Variants in DPP6 observed in about 807,000 individuals in gnomAD.
DPP6 encodes the protein A-type potassium channel modulatory protein DPP6.
DPP6 carries 69 observed loss-of-function variants against 122.6 expected under a neutral mutation model. The observed-to-expected ratio is 0.56, with a 90% CI of 0.46 to 0.69. DPP6 has a LOEUF of 0.69. DPP6 is among the 30% of genes least tolerant of loss of function. DPP6 has a pLI of 0.00. For synonymous variants in DPP6, 418 were observed against 433.1 expected, an observed-to-expected ratio of 0.97 and a Z score of 0.43; for missense variants, 928 against 1,116.9, an observed-to-expected ratio of 0.83 and a Z score of 2.41.
chr7:154,379,108 T>A (rs746120009), intron 1 of DPP6, among the ~76,000 whole-genome samples: 2 of 152,122 alleles, frequency 1.3e-5, no homozygotes, highest in Non-Finnish European at 2.9e-5. Flanking sequence ...ACATATGAAT[T>A]TTGTTGGGGG....
chr7:154,349,964 T>C (rs776178371), intron 1 of DPP6, among the ~76,000 whole-genome samples: 2 of 152,238 alleles, frequency 1.3e-5, no homozygotes. Flanking sequence ...ATTCCATAAA[T>C]AAAATGTTTT....
intron 1 of DPP6, among the ~76,000 whole-genome samples, chr7:154,067,631 A>G (rs558129620): frequency 5.9e-5 from 9 of 152,034 alleles, no homozygotes; most frequent in Non-Finnish European, 8.8e-5. Context: ...GGTCATGGGG[A>G]GTCATTTGAA....
At chr7:154,649,673 C>G (rs1836743482) in intron 6 of DPP6, among the ~76,000 whole-genome samples, 2 of 152,236 alleles carry the variant, frequency 1.3e-5, no homozygotes. Flanking sequence ...CTGCACCTGC[C>G]TTTCTCTACC....
chr7:153,757,680 G>A, the DPP6 span, among the ~76,000 whole-genome samples: 50 of 152,202 alleles, frequency 3.3e-4, no homozygotes, highest in African/African-American at 1.2e-3. Flanking sequence ...ACCATGGGCC[G>A]GGCACGGTGG....
chr7:154,063,298 T>C (rs6951331), intron 1 of DPP6, among the ~76,000 whole-genome samples: 54,600 of 109,730 alleles, frequency 0.5, 17,020 homozygotes, highest in East Asian at 0.62. Flanking sequence ...GGACCCCCCA[T>C]GAGGCGGGGA....
intron 10 of DPP6, among the ~76,000 whole-genome samples, chr7:154,774,988 C>G (rs1796474166): frequency 6.6e-6 from 1 of 152,202 alleles, no homozygotes; most frequent in South Asian, 2.1e-4. Context: ...CTCAGCAATT[C>G]AGTGCTGTAG....
chr7:154,400,078 A>G (rs183096428), intron 1 of DPP6, among the ~76,000 whole-genome samples: 19 of 152,224 alleles, frequency 1.2e-4, no homozygotes, highest in Admixed American at 7.8e-4. Flanking sequence ...GGGCATTTGA[A>G]TACTGCTGGA....
chr7:154,633,746 T>C (rs1032578705), intron 5 of DPP6, among the ~76,000 whole-genome samples: 3 of 152,218 alleles, frequency 2.0e-5, no homozygotes, highest in African/African-American at 7.2e-5. Context: ...TGGCTTGATG[T>C]TGAGGAAGAT....
At chr7:154,233,039 T>A (rs1278633996) in intron 1 of DPP6, among the ~76,000 whole-genome samples, 1 of 152,220 alleles carries the variant, frequency 6.6e-6, no homozygotes, top group Non-Finnish European at 1.5e-5. Context: ...GAAGAAAGAA[T>A]CATGCTTAAA....
chr7:153,865,229 G>A, the DPP6 span, among the ~76,000 whole-genome samples: 2 of 152,120 alleles, frequency 1.3e-5, no homozygotes, highest in Admixed American at 1.3e-4. Flanking sequence ...GACAGCAATA[G>A]CAGTATTTTC....
intron 1 of DPP6, among the ~76,000 whole-genome samples, chr7:154,137,651 G>T (rs866148382): frequency 2.3e-5 from 1 of 43,636 alleles, no homozygotes; most frequent in South Asian, 1.4e-3. Flanking sequence ...TGGGGGGGGT[G>T]GGGGGGTGGG....
At position 154,646,315 on chromosome 7, in the gene DPP6, T is replaced by G. The variant is rs544236033; in HGVS notation, c.680+8442T>G. Reference sequence around the variant, plus strand: ...ATTCTCCCATCCGGCTGTGTAAGAATGAATCACATCACGCAATGTGTCCAG... The same window carrying G: ...ATTCTCCCATCCGGCTGTGTAAGAAGGAATCACATCACGCAATGTGTCCAG... On this transcript the variant is annotated intron_variant, in intron 6 of 25. Coordinates refer to ENST00000377770, the MANE Select transcript of DPP6 (RefSeq NM_130797.4). 5.3e-5 allele frequency among the ~76,000 whole-genome samples: 8 copies of G among 152,328 alleles called. No homozygotes were observed. In the South Asian group the frequency reaches 1.4e-3, roughly 28 times the overall value.
At chr7:153,770,322 C>T in the DPP6 span, among the ~76,000 whole-genome samples, 89 of 152,258 alleles carry the variant, frequency 5.8e-4, 1 homozygote, top group East Asian at 0.015. Flanking sequence ...AGGGGCACTC[C>T]TCAAAGCCAC....
chr7:154,053,697 C>T (rs1427690691), intron 1 of DPP6, among the ~76,000 whole-genome samples: 1 of 152,200 alleles, frequency 6.6e-6, no homozygotes, highest in Non-Finnish European at 1.5e-5. Context: ...GGGCCCAGCT[C>T]TTTTGCTGAG....
At chr7:154,595,513 A>G (rs1833042789) in intron 5 of DPP6, among the ~76,000 whole-genome samples, 2 of 152,226 alleles carry the variant, frequency 1.3e-5, no homozygotes, top group Admixed American at 6.5e-5. Context: ...GTGAGTCTTC[A>G]CACTGATGCT....
At chr7:154,564,919 C>A (rs545496800) in intron 4 of DPP6, among the ~76,000 whole-genome samples, 1 of 152,138 alleles carries the variant, frequency 6.6e-6, no homozygotes, top group Non-Finnish European at 1.5e-5. Flanking sequence ...TTCTGTTGTT[C>A]TATTTGGTGC....
chr7:154,318,919 T>A (rs1807675436), intron 1 of DPP6, among the ~76,000 whole-genome samples: 1 of 152,192 alleles, frequency 6.6e-6, no homozygotes, highest in Admixed American at 6.5e-5. Flanking sequence ...GGATCATTGA[T>A]GTGGGTGATG....
chr7:154,850,800 T>C (rs1292674012), intron 16 of DPP6, among the ~76,000 whole-genome samples: 2 of 152,214 alleles, frequency 1.3e-5, no homozygotes, highest in Non-Finnish European at 2.9e-5. Flanking sequence ...AACATCTCTT[T>C]CATTTCTGAT....
intron 13 of DPP6, among the ~76,000 whole-genome samples, chr7:154,802,256 A>G (rs1395137732): frequency 6.6e-6 from 1 of 152,188 alleles, no homozygotes; most frequent in Non-Finnish European, 1.5e-5. Flanking sequence ...TATGACATAG[A>G]AGGCTCATAT....
Sources: gnomAD v4.1 joint callset for allele counts (sites outside exome capture counted in the v4.1 genomes callset) on GRCh38, gnomAD v4.1.1 for gene constraint, MANE v1.5 for transcripts, NCBI Gene and HGNC (gene_info 2026-07-23, HGNC 2026-07-21) for gene names.